The following PUDP variants were observed in gnomAD, a reference collection of about 807,000 sequenced individuals.
PUDP encodes the protein pseudouridine 5'-phosphatase.
A neutral mutation model predicts 9.4 loss-of-function variants in PUDP; 8 were observed. The observed-to-expected ratio is 0.85, with a 90% CI of 0.50 to 1.53. PUDP has a LOEUF of 1.53. Among genes scored for constraint, PUDP ranks in the 40% most tolerant of loss-of-function variants. PUDP has a pLI of 0.00. For missense variants in PUDP, 188 were observed against 189.7 expected (o/e 0.99, Z 0.05); for synonymous variants, 99 against 80.7 (o/e 1.23, Z -1.22).
chrX:7,005,121 G>A (rs1316804739), intron 1 of PUDP, among the ~76,000 whole-genome samples: 2 of 111,262 alleles, frequency 1.8e-5, no homozygotes, highest in African/African-American at 6.6e-5. Context: ...TGACCTGCCT[G>A]GAGCAGCGCT....
At chrX:6,722,250 AGCC>A (rs1924683001), upstream of PUDP, among the ~76,000 whole-genome samples, 1 of 111,339 alleles carries the variant, frequency 9.0e-6, no homozygotes, top group Non-Finnish European at 1.9e-5. Context: ...GTTCAAGACC[AGCC>A]TGGCAACATG....
At chrX:7,026,527 G>C (rs773466194) in intron 1 of PUDP, among the ~76,000 whole-genome samples, 1 of 112,107 alleles carries the variant, frequency 8.9e-6, no homozygotes, top group Admixed American at 9.4e-5. Flanking sequence ...CATCCACCCA[G>C]CGTGCCTTTC....
chrX:7,010,142 T>C (rs138885626), intron 1 of PUDP, among the ~76,000 whole-genome samples: 3 of 111,779 alleles, frequency 2.7e-5, no homozygotes, highest in South Asian at 3.8e-4. Context: ...TGAGGACCCA[T>C]TGGCACTTTT....
chrX:6,724,799 C>G (rs1354062482), upstream of PUDP, among the ~76,000 whole-genome samples: 3 of 111,367 alleles, frequency 2.7e-5, no homozygotes. Flanking sequence ...TTCCCACCCC[C>G]CATCCACCAT....
chrX:6,904,080 T>C (rs1927732580), intron 3 of PUDP, among the ~76,000 whole-genome samples: 1 of 107,623 alleles, frequency 9.3e-6, no homozygotes, highest in African/African-American at 3.4e-5. Context: ...GCCTCCCGAG[T>C]AGCTGGAATT....
Position 7,105,845 on chromosome X carries a change from GAAAA to G in PUDP, c.62-11_62-8del. 3.9e-6 allele frequency: 4 copies of G among 1,025,852 alleles called. No homozygotes were observed. Among genetic ancestry groups the G allele is most frequent in the Non-Finnish European group, 5.2e-6 (4 of 764,952 alleles). 84.5% of individuals were successfully genotyped at this position (1,025,852 alleles called of 1,213,427 possible). ...GAATACAGCCGTTCAGTATCTGCAG[GAAAA>G]AAAAAAGAGATTTTTAGAGTGCATA... On this transcript the variant is annotated splice_polypyrimidine_tract_variant and splice_region_variant and intron_variant, in intron 1 of 3. Transcript: ENST00000381077.
At chrX:7,050,711 T>C (rs1402777803) in intron 3 of PUDP, among the ~76,000 whole-genome samples, 3 of 112,200 alleles carry the variant, frequency 2.7e-5, no homozygotes, top group Admixed American at 1.9e-4. Context: ...CAAAGCATTG[T>C]TGAAATGGAG....
intron 3 of PUDP, among the ~76,000 whole-genome samples, chrX:6,767,952 A>G (rs866447827): frequency 1.6e-4 from 18 of 111,402 alleles, no homozygotes; most frequent in African/African-American, 5.5e-4. Context: ...TGGGGTTTGC[A>G]AAGCCCTTCC....
intron 3 of PUDP, among the ~76,000 whole-genome samples, chrX:6,810,173 A>G (rs1926119829): frequency 8.9e-6 from 1 of 111,878 alleles, no homozygotes. Flanking sequence ...TGGCACTAGA[A>G]TAACAACTAG....
At chrX:6,733,814 G>A in intron 3 of PUDP, among the ~76,000 whole-genome samples, 1 of 73,870 alleles carries the variant, frequency 1.4e-5, no homozygotes, top group African/African-American at 5.7e-5. Flanking sequence ...ATCTCGCTCT[G>A]TTGCCCAGGC....
intron 3 of PUDP, among the ~76,000 whole-genome samples, chrX:6,953,693 G>A (rs1928586700): frequency 1.8e-5 from 2 of 111,071 alleles, no homozygotes; most frequent in South Asian, 7.8e-4. Flanking sequence ...CATTCCCTAA[G>A]CAGCAGTGCA....
At chrX:7,067,606 C>T (rs761872594) in intron 3 of PUDP, among the ~76,000 whole-genome samples, 15 of 112,060 alleles carry the variant, frequency 1.3e-4, no homozygotes, top group African/African-American at 4.9e-4. Context: ...TCCCCATTGA[C>T]ATCACTGCAG....
chrX:6,871,947 G>A (rs1263725876), intron 3 of PUDP, among the ~76,000 whole-genome samples: 1 of 111,655 alleles, frequency 9.0e-6, no homozygotes, highest in East Asian at 2.8e-4. Flanking sequence ...CAAAATTAAG[G>A]CACCAGCAGA....
intron 3 of PUDP, among the ~76,000 whole-genome samples, chrX:6,788,423 C>G (rs1925683743): frequency 8.9e-6 from 1 of 111,978 alleles, no homozygotes; most frequent in African/African-American, 3.3e-5. Context: ...TGAGAAGGGG[C>G]TGGCTGTAGT....
At chrX:7,078,020 G>A (rs773849022) in intron 2 of PUDP, among the ~76,000 whole-genome samples, 6 of 112,205 alleles carry the variant, frequency 5.3e-5, no homozygotes, top group South Asian at 7.5e-4. Flanking sequence ...CTGCTGCAGC[G>A]CTACTTAACA....
At chrX:6,722,073 T>C (rs775535068), upstream of PUDP, among the ~76,000 whole-genome samples, 1 of 110,091 alleles carries the variant, frequency 9.1e-6, no homozygotes, top group East Asian at 2.8e-4. Context: ...CAATTGTGTG[T>C]AGAAATGGGG....
At chrX:7,122,905 A>G (rs1443785509) in intron 1 of PUDP, among the ~76,000 whole-genome samples, 1 of 112,765 alleles carries the variant, frequency 8.9e-6, no homozygotes, top group African/African-American at 3.2e-5. Flanking sequence ...TATTTATACC[A>G]AAAATTGTTA....
intron 3 of PUDP, among the ~76,000 whole-genome samples, chrX:6,888,185 A>G (rs192876157): frequency 2.0e-3 from 219 of 111,442 alleles, no homozygotes; most frequent in African/African-American, 6.4e-3. Flanking sequence ...AATTCCTGGA[A>G]GTTGCCACGC....
intron 3 of PUDP, among the ~76,000 whole-genome samples, chrX:6,916,151 A>G (rs1291576635): frequency 9.5e-6 from 1 of 104,960 alleles, no homozygotes; most frequent in Non-Finnish European, 1.9e-5. Context: ...CTTCATGTCA[A>G]TGCATTTCTA....
Sources: allele counts gnomAD v4.1 joint callset (sites outside exome capture counted in the v4.1 genomes callset), GRCh38; gene constraint gnomAD v4.1.1; transcripts MANE v1.5; gene names NCBI Gene and HGNC (gene_info 2026-07-23, HGNC 2026-07-21).